The following NREP variants were observed in gnomAD, a reference collection of about 807,000 sequenced individuals.
NREP encodes the protein neuronal regeneration related protein, also known as neuronal regeneration-related protein.
In NREP, 5 loss-of-function variants were observed where a neutral mutation model predicts 8.6. The observed-to-expected ratio is 0.58, with a 90% confidence interval of 0.30 to 1.22. NREP has a LOEUF of 1.22. Among genes scored for constraint, NREP ranks in the 50% most tolerant of loss-of-function variants. The probability of loss-of-function intolerance (pLI) is 0.07; values close to 1 mark genes in which losing one functional copy is unlikely to be tolerated. For missense variants in NREP, 86 were observed against 82.5 expected (o/e 1.04, Z -0.17); for synonymous variants, 27 against 28.0 (o/e 0.96, Z 0.11).
rs183311931 is a variant in NREP at position 111,755,790 on chromosome 5, T to C, written c.-18A>G. ...CTTACCATTTTGAGAATCTTAGTCT[T>C]GGGCTTCTATTCTCCCTCTCTTCAG... On this transcript the variant is annotated 5_prime_UTR_variant, in exon 2 of 4. Coordinates refer to ENST00000257435, the MANE Select transcript of NREP (RefSeq NM_004772.4). 470 of 1,613,916 alleles carry C rather than the reference T, an allele frequency of 2.9e-4. 2 individuals carry two copies. The African/African-American group carries it at 5.6e-3, about 19-fold the overall frequency.
In NREP at chr5:111,927,848, G is replaced by T. The variant is rs78180944; in HGVS notation, c.135+47426C>A. ...GAGGCCACAGATCCTACTGTAACTT[G>T]TGTTTCTTTTTCCCAGGTGCATCCT... On this transcript the variant is annotated intron_variant, in intron 2 of 3. Coordinates refer to the NREP transcript ENST00000395634. 2.0e-5 allele frequency among the ~76,000 whole-genome samples: 3 copies of T among 152,098 alleles called. No individual in the cohort carries two copies. The East Asian group carries it at 5.8e-4, about 29-fold the overall frequency.
intron 2 of NREP, among the ~76,000 whole-genome samples, chr5:111,847,607 T>C (rs1753213708): frequency 6.6e-6 from 1 of 152,200 alleles, no homozygotes; most frequent in Admixed American, 6.6e-5. Context: ...GGTCCAATAA[T>C]AGACCCAAGT....
intron 2 of NREP, among the ~76,000 whole-genome samples, chr5:111,928,015 G>A (rs1172599324): frequency 6.6e-6 from 1 of 152,058 alleles, no homozygotes; most frequent in African/African-American, 2.4e-5. Context: ...TCTGTGTGAG[G>A]AAAAATCCTG....
chr5:111,957,724 T>C (rs1224749809), intron 2 of NREP, among the ~76,000 whole-genome samples: 1 of 151,726 alleles, frequency 6.6e-6, no homozygotes, highest in Non-Finnish European at 1.5e-5. Context: ...CACACACATA[T>C]ATATCTGTAA....
At chr5:111,956,891 G>A (rs1452917342) in intron 2 of NREP, among the ~76,000 whole-genome samples, 1 of 151,982 alleles carries the variant, frequency 6.6e-6, no homozygotes, top group African/African-American at 2.4e-5. Flanking sequence ...TTGAACCTGG[G>A]AGATGGAGGT....
At chr5:111,813,942 T>C (rs1468106126) in intron 2 of NREP, among the ~76,000 whole-genome samples, 1 of 152,142 alleles carries the variant, frequency 6.6e-6, no homozygotes, top group Non-Finnish European at 1.5e-5. Flanking sequence ...CCTTAAATAA[T>C]TTACATAAGT....
At chr5:111,774,168 C>A (rs1751303046) in intron 2 of NREP, among the ~76,000 whole-genome samples, 1 of 142,946 alleles carries the variant, frequency 7.0e-6, no homozygotes, top group Admixed American at 7.5e-5. Flanking sequence ...ATGCTAGATA[C>A]TGTAGATGAG....
chr5:111,953,033 G>A (rs899779502), intron 2 of NREP, among the ~76,000 whole-genome samples: 3 of 152,024 alleles, frequency 2.0e-5, no homozygotes, highest in African/African-American at 7.2e-5. Context: ...GTCAAATTAT[G>A]ATAGTCTAAC....
At chr5:111,935,420 G>A (rs747704750) in intron 2 of NREP, among the ~76,000 whole-genome samples, 2 of 152,062 alleles carry the variant, frequency 1.3e-5, no homozygotes, top group Non-Finnish European at 2.9e-5. Flanking sequence ...ACCAAGGACT[G>A]AGGACTAGAG....
intron 2 of NREP, among the ~76,000 whole-genome samples, chr5:111,870,473 C>A (rs771379727): frequency 6.6e-6 from 1 of 152,040 alleles, no homozygotes; most frequent in Non-Finnish European, 1.5e-5. Flanking sequence ...AATTTTCTTG[C>A]GTGAAACTAA....
intron 2 of NREP, 56 bp from the exon 3 acceptor site, chr5:111,735,563 C>A: frequency 7.8e-7 from 1 of 1,279,482 alleles, no homozygotes. Flanking sequence ...CACTCTGAAA[C>A]TACACGGGAT....
At chr5:111,823,543 T>C (rs1752556335) in intron 2 of NREP, among the ~76,000 whole-genome samples, 1 of 152,244 alleles carries the variant, frequency 6.6e-6, no homozygotes, top group South Asian at 2.1e-4. Context: ...AAGAGTTCAA[T>C]AAAAACATTA....
chr5:111,915,945 C>T (rs989935882), intron 2 of NREP, among the ~76,000 whole-genome samples: 1 of 152,078 alleles, frequency 6.6e-6, no homozygotes, highest in Non-Finnish European at 1.5e-5. Flanking sequence ...CATCCACGAT[C>T]ACCTTGTTGT....
intron 2 of NREP, among the ~76,000 whole-genome samples, chr5:111,748,759 G>GA (rs991843833): frequency 7.9e-5 from 12 of 151,596 alleles, no homozygotes; most frequent in African/African-American, 1.5e-4. Flanking sequence ...AGAGGAAATG[G>GA]AAAAAAAAGG....
intron 2 of NREP, among the ~76,000 whole-genome samples, chr5:111,934,615 G>C (rs1251555813): frequency 1.3e-5 from 2 of 152,052 alleles, no homozygotes; most frequent in African/African-American, 4.8e-5. Flanking sequence ...GCTGCTCAGA[G>C]AATTCTCCTT....
At chr5:111,795,672 A>G (rs1408396576) in intron 2 of NREP, among the ~76,000 whole-genome samples, 4 of 152,186 alleles carry the variant, frequency 2.6e-5, no homozygotes, top group African/African-American at 9.7e-5. Flanking sequence ...GAACCTATTC[A>G]TGTATAATTA....
intron 2 of NREP, among the ~76,000 whole-genome samples, chr5:111,950,404 G>C (rs534678927): frequency 6.6e-6 from 1 of 152,018 alleles, no homozygotes; most frequent in Non-Finnish European, 1.5e-5. Flanking sequence ...ACTCAAAATG[G>C]ATTAAAGACT....
chr5:111,951,088 AT>A (rs1267204735), intron 2 of NREP, among the ~76,000 whole-genome samples: 1 of 152,056 alleles, frequency 6.6e-6, no homozygotes, highest in African/African-American at 2.4e-5. Flanking sequence ...AATGTATATA[AT>A]TGTTTCATAT....
chr5:111,901,133 A>G (rs930278609), intron 2 of NREP, among the ~76,000 whole-genome samples: 1 of 152,118 alleles, frequency 6.6e-6, no homozygotes, highest in African/African-American at 2.4e-5. Context: ...TGACACATAC[A>G]TCATTACAAG....
Sources: allele counts gnomAD v4.1 joint callset (sites outside exome capture counted in the v4.1 genomes callset), GRCh38; gene constraint gnomAD v4.1.1; transcripts MANE v1.5; gene names NCBI Gene and HGNC (gene_info 2026-07-23, HGNC 2026-07-21).